The following SNX29 variants were observed in gnomAD, a reference collection of about 807,000 sequenced individuals.
SNX29 encodes the protein sorting nexin 29, also known as sorting nexin-29.
Under a neutral mutation model 102.1 loss-of-function variants are expected in SNX29, and 78 were observed. That is an observed-to-expected ratio of 0.76 (90% CI 0.64 to 0.92). The LOEUF (loss-of-function observed/expected upper bound fraction) is 0.92. Ranked by LOEUF, SNX29 falls within the 40% of genes least tolerant of loss-of-function variation. The probability of loss-of-function intolerance (pLI) is 0.00; values close to 1 mark genes in which losing one functional copy is unlikely to be tolerated. For synonymous variants in SNX29, 580 were observed against 414.5 expected, an observed-to-expected ratio of 1.40 and a Z score of -4.85; for missense variants, 1,280 against 1,061.7, an observed-to-expected ratio of 1.21 and a Z score of -2.86.
At chr16:12,557,015 A>ACACCCCC (rs66825746) in intron 20 of SNX29, among the ~76,000 whole-genome samples, 15 of 31,832 alleles carry the variant, frequency 4.7e-4, no homozygotes, top group East Asian at 1.9e-3. Context: ...TGGCTAATTT[A>ACACCCCC]CCCCCCCCCC....
intron 14 of SNX29, among the ~76,000 whole-genome samples, chr16:12,257,985 C>T (rs935190673): frequency 6.6e-6 from 1 of 152,212 alleles, no homozygotes; most frequent in Non-Finnish European, 1.5e-5. Context: ...ACTGTCCTCA[C>T]TGCTATCGCC....
At chr16:12,292,378 G>A (rs370369902) in intron 15 of SNX29, among the ~76,000 whole-genome samples, 27 of 152,326 alleles carry the variant, frequency 1.8e-4, no homozygotes, top group Middle Eastern at 3.4e-3. Context: ...GGATTGGAAA[G>A]TTCTCCCTTT....
chr16:12,162,828 G>A (rs138035646), intron 13 of SNX29, among the ~76,000 whole-genome samples: 35 of 152,306 alleles, frequency 2.3e-4, no homozygotes, highest in Middle Eastern at 3.4e-3. Context: ...CTGGGCAGCG[G>A]CAACACCCTG....
intron 13 of SNX29, among the ~76,000 whole-genome samples, chr16:12,154,883 A>T (rs2055472075): frequency 6.6e-6 from 1 of 152,198 alleles, no homozygotes. Context: ...CCACCCTCAT[A>T]ACCATAGGCT....
chr16:12,500,921 G>C (rs557746967), intron 19 of SNX29, among the ~76,000 whole-genome samples: 1 of 152,322 alleles, frequency 6.6e-6, no homozygotes, highest in East Asian at 1.9e-4. Context: ...GAGGGCACCT[G>C]TTGCTCACTT....
At chr16:12,452,360 CT>C (rs1213846172) in intron 18 of SNX29, among the ~76,000 whole-genome samples, 12 of 18,646 alleles carry the variant, frequency 6.4e-4, no homozygotes, top group Non-Finnish European at 8.5e-5. Flanking sequence ...CACAGGACAG[CT>C]CCCATACAAG....
chr16:12,474,200 G>A (rs1255480554), intron 18 of SNX29, among the ~76,000 whole-genome samples: 1 of 152,168 alleles, frequency 6.6e-6, no homozygotes, highest in Non-Finnish European at 1.5e-5. Context: ...TACTTCAGCT[G>A]AAAAGGGAGT....
intron 18 of SNX29, among the ~76,000 whole-genome samples, chr16:12,457,526 C>A (rs1279592742): frequency 6.6e-6 from 1 of 152,218 alleles, no homozygotes; most frequent in African/African-American, 2.4e-5. Context: ...TCTACTGCTT[C>A]AGGACAGGGT....
chr16:12,401,676 A>C (rs2083950216), intron 17 of SNX29, among the ~76,000 whole-genome samples: 1 of 152,060 alleles, frequency 6.6e-6, no homozygotes, highest in Admixed American at 6.6e-5. Context: ...CAACAGAGTA[A>C]ATTTTATGGA....
At chr16:12,535,156 T>C (rs1378971340) in intron 20 of SNX29, among the ~76,000 whole-genome samples, 1 of 152,220 alleles carries the variant, frequency 6.6e-6, no homozygotes, top group Non-Finnish European at 1.5e-5. Context: ...TTCATTTCTT[T>C]GAGACAGAGT....
chr16:12,082,649 G>T (rs186408786), intron 11 of SNX29, among the ~76,000 whole-genome samples: 4 of 152,228 alleles, frequency 2.6e-5, no homozygotes, highest in Admixed American at 2.6e-4. Context: ...AATCTCTGAA[G>T]AAAAAAATGT....
intron 20 of SNX29, among the ~76,000 whole-genome samples, chr16:12,542,473 A>T (rs375966372): frequency 6.6e-6 from 1 of 152,214 alleles, no homozygotes. Context: ...CTGGGATTAC[A>T]GGGACCCACT....
chr16:12,250,133 G>A (rs912451390), intron 14 of SNX29, among the ~76,000 whole-genome samples: 2 of 152,216 alleles, frequency 1.3e-5, no homozygotes, highest in Admixed American at 6.5e-5. Flanking sequence ...AACCAGCCTT[G>A]AAGGGTTAGA....
intron 13 of SNX29, among the ~76,000 whole-genome samples, chr16:12,154,737 A>T (rs2055463778): frequency 6.6e-6 from 1 of 152,232 alleles, no homozygotes; most frequent in South Asian, 2.1e-4. Context: ...AGGTGCCAGC[A>T]GATGTGGTAT....
At chr16:12,109,220 G>C (rs1023071742) in intron 11 of SNX29, among the ~76,000 whole-genome samples, 1 of 151,730 alleles carries the variant, frequency 6.6e-6, no homozygotes, top group Non-Finnish European at 1.5e-5. Flanking sequence ...TTTGTATCTG[G>C]TGAGGACCTT....
intron 13 of SNX29, among the ~76,000 whole-genome samples, chr16:12,140,540 G>A (rs1218438776): frequency 6.6e-6 from 1 of 152,222 alleles, no homozygotes; most frequent in Non-Finnish European, 1.5e-5. Flanking sequence ...GGTGCATGCG[G>A]TGAGGTGCAG....
chr16:12,018,760 T>C (rs1472899231), intron 3 of SNX29, among the ~76,000 whole-genome samples: 2 of 150,252 alleles, frequency 1.3e-5, no homozygotes, highest in African/African-American at 4.9e-5. Context: ...TTTTTTTTTT[T>C]CCTTTTTGTG....
At chr16:12,409,231 C>G (rs574081406) in intron 18 of SNX29, among the ~76,000 whole-genome samples, 19 of 152,186 alleles carry the variant, frequency 1.2e-4, no homozygotes, top group Non-Finnish European at 2.5e-4. Context: ...CAAAATTAAA[C>G]TCAATCCAGT....
Position 12,573,919 on chromosome 16 carries a change from T to A in SNX29, c.*5290T>A, listed in dbSNP as rs2079238423. On this transcript the variant is annotated 3_prime_UTR_variant, in exon 21 of 21. Transcript: ENST00000566228. ...GAACGCTTACTCACCTGACACCGAC[T>A]TCTTAGAGAAGCGAGTCTTTTTTGA... 4.9e-6 allele frequency: 1 copy of A among 202,972 alleles called. No individual in the cohort carries two copies. Among genetic ancestry groups the A allele is most frequent in the African/African-American group, 2.3e-5 (1 of 43,620 alleles). The allele number at this position is 202,972 out of a possible 1,614,324, so 12.6% of individuals were successfully genotyped here. A position where few individuals can be genotyped will look rare whatever the true frequency, so the allele number is the denominator to read the frequency against.
Sources: allele counts gnomAD v4.1 joint callset (sites outside exome capture counted in the v4.1 genomes callset), GRCh38; gene constraint gnomAD v4.1.1; transcripts MANE v1.5; gene names NCBI Gene and HGNC (gene_info 2026-07-23, HGNC 2026-07-21).